Variants in EPHB4 observed in about 807,000 individuals in gnomAD.
EPHB4 encodes the protein ephrin type-B receptor 4.
In EPHB4, 50 loss-of-function variants were observed where a neutral mutation model predicts 110.6. That is an observed-to-expected ratio of 0.45 (90% CI 0.36 to 0.57). The LOEUF is 0.57. Among genes scored for constraint, EPHB4 ranks in the 20% least tolerant of loss-of-function variants. The probability of loss-of-function intolerance (pLI) is 0.00; values close to 1 mark genes in which losing one functional copy is unlikely to be tolerated. For synonymous variants in EPHB4, 592 were observed against 578.4 expected, an observed-to-expected ratio of 1.02 and a Z score of -0.34; for missense variants, 1,128 against 1,382.1, an observed-to-expected ratio of 0.82 and a Z score of 2.91.
At position 100,805,310 on chromosome 7, in the gene EPHB4, G is replaced by C. The variant is rs1812793623; in HGVS notation, c.2690C>G (p.Pro897Arg). 6.2e-7 allele frequency: 1 copy of C among 1,613,846 alleles called. No individual in the cohort carries two copies. The highest frequency in any genetic ancestry group is 8.5e-7 in the Non-Finnish European group (1 of 1,179,900). The change falls in exon 16 of 17, where the codon CCT becomes CGT. Residue 897 changes from proline to arginine, a missense_variant. Transcript: ENST00000358173. ...VARENGGASH[P>R]LLDQRQPHYS... ...GTGAGGCTGCCGCTGGTCCAGGAGA[G>C]GGTGTGAGGCCCTAGGGGGCAAGGA...
chr7:100,819,576 A>G lies in EPHB4; in HGVS notation c.1278T>C (p.Asn426=). ...ATGPVPFEPV[N]VTTDREVPPA... ...TCTCACCCTCTCGGTCAGTGGTGACATTGACAGGCTCAAATGGGACGGGCC... is the reference window on the plus strand; with the variant it reads ...TCTCACCCTCTCGGTCAGTGGTGACGTTGACAGGCTCAAATGGGACGGGCC... Residue 426 remains asparagine, a synonymous_variant, in exon 6 of 17, where the codon AAT becomes AAC. Transcript: ENST00000358173. 6.4e-7 allele frequency: 1 copy of G among 1,571,666 alleles called. No individual in the cohort carries two copies. Among genetic ancestry groups the G allele is most frequent in the Non-Finnish European group, 8.7e-7 (1 of 1,152,808 alleles).
chr7:100,826,992 G>A lies in EPHB4; in HGVS notation c.39C>T (p.Ala13=), dbSNP rs750755505. Residue 13 remains alanine, a synonymous_variant, in exon 1 of 17, where the codon GCC becomes GCT. Transcript: ENST00000358173. ...LRVLLCWASL[A]AALEETLLNT... ...AAGGAAACTCACCTTCCAAAGCTGC[G>A]GCCAACGAAGCCCAGCAGAGCAGCA... 1.0e-5 allele frequency: 16 copies of A among 1,571,656 alleles called. No homozygotes were observed. The highest frequency in any genetic ancestry group is 2.7e-5 in the African/African-American group (2 of 73,502).
intron 12 of EPHB4, among the ~76,000 whole-genome samples, chr7:100,809,866 C>A (rs1812892057): frequency 6.6e-6 from 1 of 152,186 alleles, no homozygotes; most frequent in South Asian, 2.1e-4. Flanking sequence ...TTAATCCCAG[C>A]ACTTTGGGAG....
chr7:100,822,621 G>T lies in EPHB4; in HGVS notation c.458C>A (p.Ala153Asp). The change falls in exon 4 of 17, where the codon GCC becomes GAC. Residue 153 changes from alanine to aspartate, a missense_variant. Coordinates refer to ENST00000358173, the MANE Select transcript of EPHB4 (RefSeq NM_004444.5). The surrounding 1 kb of genome is among the most constrained non-coding windows in gnomAD (Gnocchi z 4.7). Reference protein sequence around the residue: ...AEHLTRKRPGAEATGKVNVKT... With the variant: ...AEHLTRKRPGDEATGKVNVKT... ...GACATTCACCTTCCCGGTGGCCTCG[G>T]CCCCAGGGCGCTTCCGGGTGAGATG... 1 of 1,598,494 alleles carries T rather than the reference G, an allele frequency of 6.3e-7. No homozygotes were observed. Among genetic ancestry groups the T allele is most frequent in the East Asian group, 2.2e-5 (1 of 44,488 alleles).
intron 7 of EPHB4, among the ~76,000 whole-genome samples, 179 bp from the exon 8 acceptor site, chr7:100,817,536 T>C (rs1410060944): frequency 6.6e-6 from 1 of 152,136 alleles, no homozygotes. Context: ...TCCTTTTTTT[T>C]AAGACAAGGT....
At chr7:100,814,101 G>A in intron 8 of EPHB4, 80 bp from the exon 9 acceptor site, 1 of 1,495,204 alleles carries the variant, frequency 6.7e-7, no homozygotes, top group East Asian at 2.3e-5. Context: ...GCAATGAACT[G>A]TGATCTCCTG....
Position 100,813,379 on chromosome 7 carries a change from G to A in EPHB4, c.1757-171C>T, listed in dbSNP as rs1371113383. Reference sequence around the variant, plus strand: ...ACCCAGGCCTGGAGCGCAGTGGCGCGATCTTGGCTCACTGCAATCTCCGCC... The same window carrying A: ...ACCCAGGCCTGGAGCGCAGTGGCGCAATCTTGGCTCACTGCAATCTCCGCC... On this transcript the variant is annotated intron_variant, in intron 10 of 16. Coordinates refer to ENST00000358173, the MANE Select transcript of EPHB4 (RefSeq NM_004444.5). The A allele has an allele frequency of 2.5e-5, 16 of 633,112 alleles. No individual in the cohort carries two copies. In the Middle Eastern group the frequency reaches 1.4e-3, roughly 54 times the overall value. 39.2% of individuals were successfully genotyped at this position (633,112 alleles called of 1,614,324 possible).
At chr7:100,818,357 G>A (rs1305183709) in intron 7 of EPHB4, among the ~76,000 whole-genome samples, 163 bp downstream of exon 7, 2 of 152,156 alleles carry the variant, frequency 1.3e-5, no homozygotes, top group South Asian at 2.1e-4. Flanking sequence ...TATAGATGAA[G>A]AGTCTGAGGC....
Position 100,812,896 on chromosome 7 carries a change from G to A in EPHB4, c.1969C>T (p.Gln657Ter). The change falls in exon 12 of 17, where the codon CAG becomes TAG. Residue 657 changes from glutamine (Q) to a stop codon, truncating the protein, a stop_gained. Coordinates refer to ENST00000358173, the MANE Select transcript of EPHB4 (RefSeq NM_004444.5). LOFTEE classifies it high-confidence loss of function. ...GCCTCGCTCAGAAACTCACGCCGCT[G>A]CCGCTCCGTGTAGCCACCCTTCAGG... ...KTLKGGYTER[Q>*]RREFLSEASI... 1 of 1,614,238 alleles carries A rather than the reference G, an allele frequency of 6.2e-7. No individual in the cohort carries two copies. Among genetic ancestry groups the A allele is most frequent in the Non-Finnish European group, 8.5e-7 (1 of 1,180,040 alleles).
chr7:100,824,946 C>G (rs1367602022), intron 1 of EPHB4: 1 of 144,430 alleles, frequency 6.9e-6, no homozygotes, highest in African/African-American at 2.6e-5. Flanking sequence ...TTCTGGGGGG[C>G]GGTATGAATG....
chr7:100,805,092 C>A (rs902366523), intron 16 of EPHB4, 74 bp downstream of exon 16: 35 of 1,529,948 alleles, frequency 2.3e-5, no homozygotes, highest in South Asian at 1.0e-4. Flanking sequence ...CCCCAAAAGC[C>A]CCTGGAGACC....
chr7:100,807,031 T>C (rs1238755416), intron 13 of EPHB4, among the ~76,000 whole-genome samples: 1 of 152,116 alleles, frequency 6.6e-6, no homozygotes, highest in Non-Finnish European at 1.5e-5. Flanking sequence ...GGCACATTCA[T>C]AGCTCACTGC....
Position 100,827,252 on chromosome 7 carries a change from C to T in EPHB4, c.-222G>A. 1 of 171,782 alleles carries T rather than the reference C, an allele frequency of 5.8e-6. No individual in the cohort carries two copies. Among genetic ancestry groups the T allele is most frequent in the Non-Finnish European group, 1.2e-5 (1 of 83,932 alleles). The allele number at this position is 171,782 out of a possible 1,614,324, so 10.6% of individuals were successfully genotyped here. ...GGGCGGCGGGCCCGGAGCGTGCTGG[C>T]AGTGGCCGCGCCGGGCGGGCGCGCA... On this transcript the variant is annotated 5_prime_UTR_variant, in exon 1 of 17. Coordinates refer to ENST00000358173, the MANE Select transcript of EPHB4 (RefSeq NM_004444.5).
intron 7 of EPHB4, among the ~76,000 whole-genome samples, chr7:100,817,859 G>A (rs1341346671): frequency 4.2e-5 from 2 of 47,092 alleles, no homozygotes; most frequent in African/African-American, 1.6e-4. Context: ...TATTTTTTGC[G>A]TTTTTTTTTT....
In EPHB4 at chr7:100,823,842, G is replaced by A; in HGVS notation, c.213C>T (p.His71=). ...GTGGGACCCAACCTGTGCGAAGCCA[G>A]TGGGCCTGGCCCGGGGCACGCTGCA... The part of the protein sequence containing the change: ...CDVQRAPGQA[H]WLRTGWVPRR... The change falls in exon 3 of 17, where the codon CAC becomes CAT. Residue 71 remains histidine (H), a synonymous_variant. Coordinates refer to ENST00000358173, the MANE Select transcript of EPHB4 (RefSeq NM_004444.5). The A allele has an allele frequency of 2.5e-6, 4 of 1,613,084 alleles. No individual in the cohort carries two copies. Among genetic ancestry groups the A allele is most frequent in the Non-Finnish European group, 1.7e-6 (2 of 1,179,828 alleles).
Position 100,807,562 on chromosome 7 carries a change from T to G in EPHB4, c.2137A>C (p.Thr713Pro), listed in dbSNP as rs1242486572. 6.2e-7 allele frequency: 1 copy of G among 1,613,692 alleles called. No individual in the cohort carries two copies. The highest frequency in any genetic ancestry group is 8.5e-7 in the Non-Finnish European group (1 of 1,179,816). The change falls in exon 13 of 17, where the codon ACA becomes CCA. Residue 713 changes from threonine (T) to proline (P), a missense_variant. Coordinates refer to ENST00000358173, the MANE Select transcript of EPHB4 (RefSeq NM_004444.5). ...SFLRLNDGQF[T>P]VIQLVGMLRG... The stretch of plus-strand genomic sequence containing the variant: ...AGCATGCCCACGAGCTGGATGACTG[T>G]GAACTGTCCGTCGTTTAGCTGGAGA...
At chr7:100,826,648 T>C (rs1813405038) in intron 1 of EPHB4, among the ~76,000 whole-genome samples, 1 of 152,072 alleles carries the variant, frequency 6.6e-6, no homozygotes, top group Non-Finnish European at 1.5e-5. Flanking sequence ...ACAGAAACTT[T>C]GCAGATAGTT....
chr7:100,825,525 A>G (rs751492233), intron 1 of EPHB4: 1 of 152,182 alleles, frequency 6.6e-6, no homozygotes, highest in Non-Finnish European at 1.5e-5. Flanking sequence ...GTCAGTTCGC[A>G]TGTCTCTCAC....
intron 1 of EPHB4, chr7:100,824,558 G>A: frequency 4.8e-6 from 2 of 420,942 alleles, no homozygotes; most frequent in Non-Finnish European, 4.4e-6. Flanking sequence ...ACGGGGAGAA[G>A]GGGCGGCAGC....
Sources: gnomAD v4.1 joint callset for allele counts (sites outside exome capture counted in the v4.1 genomes callset) on GRCh38, gnomAD v4.1.1 for gene constraint, Gnocchi (gnomAD v3.1) non-coding constraint, MANE v1.5 for transcripts, NCBI Gene and HGNC (gene_info 2026-07-23, HGNC 2026-07-21) for gene names.